Variants in GREB1 observed in about 807,000 individuals in gnomAD.
GREB1 encodes protein GREB1.
Under a neutral mutation model 200.7 loss-of-function variants are expected in GREB1, and 106 were observed. That is an observed-to-expected ratio of 0.53 (90% CI 0.45 to 0.62). GREB1 has a LOEUF of 0.62. Among genes scored for constraint, GREB1 ranks in the 20% least tolerant of loss-of-function variants. GREB1 has a pLI of 0.00. For synonymous variants in GREB1, 1,132 were observed against 1,092.4 expected, an observed-to-expected ratio of 1.04 and a Z score of -0.72; for missense variants, 2,243 against 2,556.8, an observed-to-expected ratio of 0.88 and a Z score of 2.65.
intron 10 of GREB1, chr2:11,591,322 C>A (rs1680707151): frequency 1.4e-6 from 1 of 721,384 alleles, no homozygotes; most frequent in East Asian, 2.6e-5. Context: ...TAGCTCAGGG[C>A]CGCACAGCTG....
At chr2:11,514,729 G>A (rs946090002) in intron 1 of GREB1, among the ~76,000 whole-genome samples, 1 of 152,176 alleles carries the variant, frequency 6.6e-6, no homozygotes, top group African/African-American at 2.4e-5. Context: ...ACCCCTCTGT[G>A]CTCAGTCCAT....
chr2:11,619,423 T>G (rs1020565913), intron 22 of GREB1, among the ~76,000 whole-genome samples: 4 of 152,206 alleles, frequency 2.6e-5, no homozygotes, highest in African/African-American at 4.8e-5. Flanking sequence ...GGGACTGGAA[T>G]CTGCTCTTTG....
At chr2:11,516,651 C>T (rs1354380533) in intron 1 of GREB1, among the ~76,000 whole-genome samples, 3 of 151,480 alleles carry the variant, frequency 2.0e-5, no homozygotes, top group South Asian at 2.1e-4. Context: ...TGGGCCCATG[C>T]GGTTGAGGCG....
chr2:11,568,183 A>G (rs192905766), intron 4 of GREB1, among the ~76,000 whole-genome samples: 108 of 152,342 alleles, frequency 7.1e-4, no homozygotes, highest in African/African-American at 2.6e-3. Context: ...TGAAGCCTCC[A>G]GTTTTGCGCT....
intron 3 of GREB1, among the ~76,000 whole-genome samples, chr2:11,566,005 G>T (rs77146667): frequency 6.8e-6 from 1 of 146,854 alleles, no homozygotes; most frequent in Non-Finnish European, 1.5e-5. Flanking sequence ...GATCTGTGTC[G>T]TGGATAACTA....
chr2:11,614,996 G>C, intron 19 of GREB1, 95 bp from the exon 20 acceptor site: 2 of 895,688 alleles, frequency 2.2e-6, no homozygotes, highest in East Asian at 4.9e-5. Flanking sequence ...CCAGGAAGGT[G>C]GGGTGTGGTC....
intron 10 of GREB1, 141 bp downstream of exon 10, chr2:11,589,072 C>T (rs934935860): frequency 5.7e-5 from 38 of 667,410 alleles, no homozygotes; most frequent in Admixed American, 4.8e-4. Flanking sequence ...ACTGGCGGGA[C>T]GTCATGAAGT....
intron 1 of GREB1, among the ~76,000 whole-genome samples, chr2:11,523,513 C>T (rs73189350): frequency 0.054 from 8,246 of 152,200 alleles, 815 homozygotes; most frequent in African/African-American, 0.19. Flanking sequence ...TTGATTGGTA[C>T]GGCTTCTGTA....
intron 15 of GREB1, 150 bp from the exon 16 acceptor site, chr2:11,600,650 T>G: frequency 4.4e-6 from 3 of 689,246 alleles, no homozygotes; most frequent in Non-Finnish European, 7.5e-6. Context: ...CCAGCCTTTT[T>G]TATTTTCTCT....
intron 1 of GREB1, among the ~76,000 whole-genome samples, chr2:11,550,923 G>T (rs1675757878): frequency 6.6e-6 from 1 of 152,102 alleles, no homozygotes; most frequent in Non-Finnish European, 1.5e-5. Context: ...GCCTTTAATA[G>T]TTCCTTATCT....
At chr2:11,524,328 A>G (rs185329445) in intron 1 of GREB1, among the ~76,000 whole-genome samples, 1 of 152,302 alleles carries the variant, frequency 6.6e-6, no homozygotes, top group African/African-American at 2.4e-5. Flanking sequence ...GTTGCAATGC[A>G]GTTGCTAATT....
chr2:11,532,504 C>T (rs182904492), upstream of GREB1, among the ~76,000 whole-genome samples: 1 of 152,302 alleles, frequency 6.6e-6, no homozygotes, highest in African/African-American at 2.4e-5. Context: ...TCATTACGAA[C>T]TTTAGCAGTG....
chr2:11,592,553 CT>C (rs1680837171), intron 10 of GREB1, among the ~76,000 whole-genome samples: 1 of 150,244 alleles, frequency 6.7e-6, no homozygotes, highest in South Asian at 2.1e-4. Flanking sequence ...TAAAAAAAAA[CT>C]TTCATATGGA....
At chr2:11,507,014 A>G in intron 1 of GREB1, among the ~76,000 whole-genome samples, 2 of 152,374 alleles carry the variant, frequency 1.3e-5, no homozygotes, top group Middle Eastern at 3.4e-3. Context: ...GATAATCAAT[A>G]ACTTATTATA....
At chr2:11,632,336 T>C (rs1049466289) in intron 27 of GREB1, among the ~76,000 whole-genome samples, 2 of 77,502 alleles carry the variant, frequency 2.6e-5, no homozygotes, top group Admixed American at 2.1e-4. Context: ...TCTTTCTCTC[T>C]TTTTTTTTTT....
At chr2:11,533,051 G>A (rs905706200), upstream of GREB1, among the ~76,000 whole-genome samples, 13 of 152,154 alleles carry the variant, frequency 8.5e-5, no homozygotes, top group Non-Finnish European at 1.8e-4. Context: ...AATAAATGAA[G>A]GAATGAATGG....
At chr2:11,545,886 T>C (rs962948681) in intron 1 of GREB1, among the ~76,000 whole-genome samples, 13 of 151,646 alleles carry the variant, frequency 8.6e-5, no homozygotes, top group Admixed American at 7.9e-4. Flanking sequence ...CTAAAGAAAA[T>C]AACAAAGATA....
intron 1 of GREB1, among the ~76,000 whole-genome samples, chr2:11,519,770 ATTAT>A (rs547248291): frequency 1.0e-3 from 159 of 152,180 alleles, no homozygotes; most frequent in African/African-American, 3.8e-3. Flanking sequence ...TACTTGCTTA[ATTAT>A]TTAGCCTCTC....
In GREB1 at chr2:11,614,014, C is replaced by T. The variant is rs369446019; in HGVS notation, c.3123-1077C>T. On this transcript the variant is annotated intron_variant, in intron 19 of 32. Coordinates refer to ENST00000381486, the MANE Select transcript of GREB1 (RefSeq NM_014668.4). ...ACAGATAGCATTGCTTGTTGGTGTC[C>T]GACTTGATTGCCATCATATTTCTAG... Among the ~76,000 whole-genome samples, 33 of 152,228 alleles carry T rather than the reference C, an allele frequency of 2.2e-4. No homozygotes were observed. In the South Asian group the frequency reaches 5.2e-3, roughly 24 times the overall value.
Sources: gnomAD v4.1 joint callset for allele counts (sites outside exome capture counted in the v4.1 genomes callset) on GRCh38, gnomAD v4.1.1 for gene constraint, MANE v1.5 for transcripts, NCBI Gene and HGNC (gene_info 2026-07-23, HGNC 2026-07-21) for gene names.